RYR1: variants seen among roughly 807,000 people sequenced by gnomAD.
RYR1 encodes central core disease of muscle.
A neutral mutation model predicts 583.5 loss-of-function variants in RYR1; 342 were observed. The observed-to-expected ratio is 0.59, with a 90% confidence interval of 0.54 to 0.64. RYR1 has a LOEUF of 0.64. RYR1 is among the 30% of genes least tolerant of loss of function. The pLI, the probability that RYR1 is intolerant of heterozygous loss-of-function variation, is 0.00. For synonymous variants in RYR1, 2,791 were observed against 2,822.5 expected (o/e 0.99, Z 0.35); for missense variants, 6,032 against 6,917.2 (o/e 0.87, Z 4.54).
rs1418918554 is a variant in RYR1 at position 38,543,834 on chromosome 19, T to C, written c.11971T>C (p.Phe3991Leu). The change falls in exon 87 of 106, where the codon TTC becomes CTC. Residue 3991 changes from phenylalanine (F) to leucine (L), a missense_variant. Around this residue, in one of 11 missense-constraint regions of RYR1, gnomAD observed 82 missense variants for 139.7 expected, o/e 0.59. Transcript: ENST00000359596. This position sits in a 1 kb window ranked among gnomAD's most constrained non-coding sequence, Gnocchi z 4.4. The part of the protein sequence containing the change: ...HSRLWDAVVG[F>L]LHVFAHMMMK... ...TCGCCTATGGGACGCAGTGGTGGGA[T>C]TCCTGCACGTGTTCGCCCACATGAT... 1 of 1,613,922 alleles carries C rather than the reference T, an allele frequency of 6.2e-7. No individual in the cohort carries two copies. The highest frequency in any genetic ancestry group is 8.5e-7 in the Non-Finnish European group (1 of 1,180,012).
chr19:38,448,712 G>A lies in RYR1; in HGVS notation c.1021G>A (p.Gly341Arg), dbSNP rs121918592. 4 of 1,614,230 alleles carry A rather than the reference G, an allele frequency of 2.5e-6. No homozygotes were observed. The highest frequency in any genetic ancestry group is 3.4e-6 in the Non-Finnish European group (4 of 1,180,044). Residue 341 changes from glycine (G) to arginine (R), a missense_variant, in exon 11 of 106, where the codon GGG becomes AGG. Gly to Arg is a moderately radical substitution (Grantham distance 125). This residue lies in a region of RYR1 where 338 missense variants were observed against 441.6 expected (regional missense o/e 0.77). Transcript: ENST00000359596. ...CATGGGCCCCCCTGAGATCAAGTAC[G>A]GGGAGTCACTGTGCTTCGTGCAGCA... is the stretch of plus-strand genomic sequence containing the variant. ...EGMGPPEIKY[G>R]ESLCFVQHVA...
Position 38,489,202 on chromosome 19 carries a change from A to G in RYR1, c.5573A>G (p.Asp1858Gly). The part of the protein sequence containing the change: ...LLVMGIFGDE[D>G]VKQILKMIEP... ...GTGATGGGCATCTTTGGCGATGAGG[A>G]TGTGAAACAGATCTTGAAGATGATT... Residue 1858 changes from aspartate (D) to glycine (G), a missense_variant, in exon 35 of 106, where the codon GAT becomes GGT. This residue lies in a region of RYR1 where 2,627 missense variants were observed against 2,961.3 expected (regional missense o/e 0.89). Transcript: ENST00000359596. 1 of 1,614,118 alleles carries G rather than the reference A, an allele frequency of 6.2e-7. No individual in the cohort carries two copies. The highest frequency in any genetic ancestry group is 8.5e-7 in the Non-Finnish European group (1 of 1,180,014).
In RYR1 at chr19:38,504,442, A is replaced by G. The variant is rs1169755222; in HGVS notation, c.8067+82A>G. 3.9e-6 allele frequency: 6 copies of G among 1,546,488 alleles called. No individual in the cohort carries two copies. The African/African-American group carries it at 8.2e-5, about 21-fold the overall frequency. On this transcript the variant is annotated intron_variant, in intron 50 of 105. Coordinates refer to ENST00000359596, the MANE Select transcript of RYR1 (RefSeq NM_000540.3). ...TGGGGGTCCAGAGTGAAATCCCTCAATTTTGGGGGGTTCAAGGAGGAGAAG... is the reference window on the plus strand; with the variant it reads ...TGGGGGTCCAGAGTGAAATCCCTCAGTTTTGGGGGGTTCAAGGAGGAGAAG...
intron 27 of RYR1, 66 bp from the exon 28 acceptor site, chr19:38,473,311 G>T (rs890089384): frequency 8.2e-6 from 13 of 1,591,414 alleles, no homozygotes; most frequent in Non-Finnish European, 1.1e-5. Flanking sequence ...GTGTGACCAG[G>T]TGTAGGACCA....
intron 89 of RYR1, among the ~76,000 whole-genome samples, chr19:38,558,549 C>T (rs1189333090): frequency 2.0e-5 from 3 of 152,154 alleles, no homozygotes; most frequent in South Asian, 2.1e-4. Flanking sequence ...GAGGCCAAGG[C>T]GGGCAGATCA....
intron 7 of RYR1, among the ~76,000 whole-genome samples, chr19:38,446,050 C>T (rs1194870935): frequency 1.3e-5 from 2 of 152,098 alleles, no homozygotes; most frequent in Non-Finnish European, 2.9e-5. Context: ...ACTCCAGAAC[C>T]CAGCCTCAGA....
In RYR1 at chr19:38,438,292, TC is replaced by T. The variant is rs546207497; in HGVS notation, c.46-2452del. Among the ~76,000 whole-genome samples the T allele has an allele frequency of 1.1e-4, 17 of 152,146 alleles. No individual in the cohort carries two copies. In the South Asian group the frequency reaches 2.9e-3, roughly 26 times the overall value. On this transcript the variant is annotated intron_variant, in intron 1 of 105. Transcript: ENST00000359596. ...TCTTACATCAGCCTGGGTTATTTTT[TC>T]TATAACACCTATCACTGACATTAAC...
At chr19:38,472,137 C>T (rs1175777880) in intron 27 of RYR1, among the ~76,000 whole-genome samples, 3 of 152,068 alleles carry the variant, frequency 2.0e-5, no homozygotes, top group East Asian at 3.9e-4. Context: ...CTCACTCTGT[C>T]ACCCAGGCTG....
intron 71 of RYR1, among the ~76,000 whole-genome samples, chr19:38,526,465 C>T (rs1971469461): frequency 6.6e-6 from 1 of 151,936 alleles, no homozygotes; most frequent in South Asian, 2.1e-4. Context: ...CCCAGGACTG[C>T]TGAGTCCTGC....
chr19:38,502,798 C>CAGGGGT, intron 48 of RYR1, 71 bp downstream of exon 48: 1 of 765,850 alleles, frequency 1.3e-6, no homozygotes, highest in Non-Finnish European at 1.7e-6. Flanking sequence ...GGGGCAGGGG[C>CAGGGGT]AGGGGCAGGG....
chr19:38,535,515 G>T, intron 81 of RYR1, 123 bp downstream of exon 81: 3 of 799,662 alleles, frequency 3.8e-6, no homozygotes, highest in Non-Finnish European at 4.5e-6. Context: ...ACTCAGAATC[G>T]CTCAAATAAC....
intron 89 of RYR1, among the ~76,000 whole-genome samples, chr19:38,560,811 G>A (rs1369887471): frequency 6.6e-6 from 1 of 151,282 alleles, no homozygotes; most frequent in Admixed American, 6.6e-5. Flanking sequence ...TTGAGCCCAG[G>A]AGTTTGAGAC....
intron 33 of RYR1, 34 bp from the exon 34 acceptor site, chr19:38,485,556 A>C (rs766809072): frequency 1.9e-6 from 3 of 1,604,954 alleles, no homozygotes; most frequent in Non-Finnish European, 2.5e-6. Flanking sequence ...AGGCTCATTC[A>C]TCTGTCCCTG....
In RYR1 at chr19:38,512,853, G is replaced by A. The variant is rs2145665341; in HGVS notation, c.9472+370G>A. Among the ~76,000 whole-genome samples the A allele has an allele frequency of 6.6e-6, 1 of 152,116 alleles. No homozygotes were observed. The highest frequency in any genetic ancestry group is 6.5e-5 in the Admixed American group (1 of 15,272). On this transcript the variant is annotated intron_variant, in intron 63 of 105. Coordinates refer to ENST00000359596, the MANE Select transcript of RYR1 (RefSeq NM_000540.3). The surrounding 1 kb of genome is among the most constrained non-coding windows in gnomAD (Gnocchi z 5.1). ...TAGCCAGGCATGGAGGCACATGCCT[G>A]TAATCCCAGCTACTGGGGAGGCTGA...
chr19:38,457,069 A>G (rs912041837), intron 16 of RYR1, among the ~76,000 whole-genome samples: 6 of 151,054 alleles, frequency 4.0e-5, no homozygotes, highest in Non-Finnish European at 8.9e-5. Flanking sequence ...AAAAAAAAAA[A>G]AAGGAATAAC....
Position 38,548,477 on chromosome 19 carries a change from C to T in RYR1, c.12282+57C>T, listed in dbSNP as rs1018816367. The T allele has an allele frequency of 3.8e-6, 6 of 1,559,276 alleles. No individual in the cohort carries two copies. The African/African-American group carries it at 8.1e-5, about 21-fold the overall frequency. On this transcript the variant is annotated intron_variant, in intron 89 of 105. Coordinates refer to ENST00000359596, the MANE Select transcript of RYR1 (RefSeq NM_000540.3). ...TTGGGTGGGGTTGCCAAGGGCCAGC[C>T]ATACCCTTCTGGCTGGCTGCCTCAG...
chr19:38,489,101 G>A lies in RYR1; in HGVS notation c.5548-76G>A, dbSNP rs74778515. 0.097 allele frequency: 124,906 copies of A among 1,286,712 alleles called. 7,037 individuals carry two copies. The highest frequency in any genetic ancestry group is 0.18 in the South Asian group (15,149 of 84,092). The allele number at this position is 1,286,712 out of a possible 1,614,324, so 79.7% of individuals were successfully genotyped here. A position where few individuals can be genotyped will look rare whatever the true frequency, so the allele number is the denominator to read the frequency against. On this transcript the variant is annotated intron_variant, in intron 34 of 105. Transcript: ENST00000359596. Reference sequence around the variant, plus strand: ...TGATTGGCATGTGCATGAGGGGCAGGTCTGGAGAATGAGGCCAGGGCCTGA... The same window carrying A: ...TGATTGGCATGTGCATGAGGGGCAGATCTGGAGAATGAGGCCAGGGCCTGA...
chr19:38,490,336 T>G, intron 36 of RYR1, 60 bp downstream of exon 36: 27 of 1,498,422 alleles, frequency 1.8e-5, no homozygotes, highest in Non-Finnish European at 2.3e-5. Flanking sequence ...CAACATCTCC[T>G]GACTCTGATC....
At chr19:38,534,631 G>A in intron 78 of RYR1, 89 bp from the exon 79 acceptor site, 1 of 1,138,654 alleles carries the variant, frequency 8.8e-7, no homozygotes, top group East Asian at 2.5e-5. Flanking sequence ...GATGTGGCTG[G>A]AACAGGGAGG....
Sources: allele counts gnomAD v4.1 joint callset (sites outside exome capture counted in the v4.1 genomes callset), GRCh38; gene constraint gnomAD v4.1.1; regional missense constraint gnomAD v4.1.1; non-coding constraint Gnocchi (gnomAD v3.1); transcripts MANE v1.5; gene names NCBI Gene and HGNC (gene_info 2026-07-23, HGNC 2026-07-21).